STARD13: variants seen among roughly 807,000 people sequenced by gnomAD.
STARD13 encodes StAR related lipid transfer domain containing 13.
A neutral mutation model predicts 106.4 loss-of-function variants in STARD13; 62 were observed. The observed-to-expected ratio is 0.58, with a 90% confidence interval of 0.48 to 0.72. STARD13 has a LOEUF of 0.72. STARD13 is among the 30% of genes least tolerant of loss of function. The pLI is 0.00. For missense variants in STARD13, 1,387 were observed against 1,424.0 expected (o/e 0.97, Z 0.42); for synonymous variants, 565 against 553.0 (o/e 1.02, Z -0.31).
chr13:33,546,191 T>C, the STARD13 span, among the ~76,000 whole-genome samples: 353 of 152,274 alleles, frequency 2.3e-3, no homozygotes, highest in African/African-American at 8.2e-3. Context: ...ATTCCTATTA[T>C]TATGTGGAAG....
the STARD13 span, among the ~76,000 whole-genome samples, chr13:33,555,532 G>A: frequency 6.6e-6 from 1 of 152,188 alleles, no homozygotes; most frequent in South Asian, 2.1e-4. Context: ...ATTCTTGTAA[G>A]TTCTAATGCT....
intron 1 of STARD13, among the ~76,000 whole-genome samples, chr13:33,190,363 G>A (rs907523513): frequency 6.6e-6 from 1 of 152,146 alleles, no homozygotes; most frequent in African/African-American, 2.4e-5. Flanking sequence ...AGAGGCTGCA[G>A]TAAGCTATGA....
intron 1 of STARD13, among the ~76,000 whole-genome samples, chr13:33,176,965 T>C (rs947536793): frequency 3.3e-5 from 5 of 152,234 alleles, no homozygotes; most frequent in African/African-American, 4.8e-5. Context: ...TCTTTGGGCC[T>C]TTATAATTAT....
At chr13:33,601,214 G>GTT in the STARD13 span, among the ~76,000 whole-genome samples, 10 of 141,828 alleles carry the variant, frequency 7.1e-5, no homozygotes, top group East Asian at 2.1e-4. Context: ...AAATGTTTTT[G>GTT]TTTTTTTTTT....
At chr13:33,212,404 C>A (rs1490213450) in intron 1 of STARD13, among the ~76,000 whole-genome samples, 1 of 152,222 alleles carries the variant, frequency 6.6e-6, no homozygotes, top group Non-Finnish European at 1.5e-5. Context: ...AATAAAGCCA[C>A]TTTCTACTGT....
the STARD13 span, among the ~76,000 whole-genome samples, chr13:33,491,710 G>C: frequency 6.6e-6 from 1 of 152,200 alleles, no homozygotes; most frequent in Non-Finnish European, 1.5e-5. Context: ...CTAGAGTCCA[G>C]CCTAATCTGT....
intron 1 of STARD13, among the ~76,000 whole-genome samples, chr13:33,321,976 CAG>C (rs1893577575): frequency 6.6e-6 from 1 of 152,184 alleles, no homozygotes; most frequent in African/African-American, 2.4e-5. Flanking sequence ...AACTAAAAAT[CAG>C]AGTCTGCGTC....
the STARD13 span, among the ~76,000 whole-genome samples, chr13:33,412,548 C>T: frequency 4.2e-3 from 634 of 152,036 alleles, 4 homozygotes; most frequent in Non-Finnish European, 7.3e-3. Context: ...TGATTTTTTA[C>T]AAAAGAACCA....
the STARD13 span, among the ~76,000 whole-genome samples, chr13:33,521,894 G>T: frequency 1.3e-5 from 2 of 152,030 alleles, no homozygotes; most frequent in East Asian, 3.9e-4. Flanking sequence ...AGCAGCTAAG[G>T]CAAGTCCCAA....
At chr13:33,433,594 A>G in the STARD13 span, among the ~76,000 whole-genome samples, 1 of 152,098 alleles carries the variant, frequency 6.6e-6, no homozygotes, top group Non-Finnish European at 1.5e-5. Flanking sequence ...ACCATATTAC[A>G]TCTCTGCTAA....
At chr13:33,177,694 C>T (rs1052015656) in intron 1 of STARD13, among the ~76,000 whole-genome samples, 5 of 121,938 alleles carry the variant, frequency 4.1e-5, no homozygotes, top group African/African-American at 3.1e-5. Context: ...AAAAAGAAAA[C>T]GAAAGTAATG....
intron 1 of STARD13, among the ~76,000 whole-genome samples, chr13:33,240,971 T>A (rs1391626123): frequency 6.6e-6 from 1 of 152,140 alleles, no homozygotes; most frequent in Non-Finnish European, 1.5e-5. Context: ...TTTGGTGGAG[T>A]CTTTATTGTT....
chr13:33,112,995 C>G, intron 8 of STARD13, 64 bp from the exon 9 acceptor site: 1 of 1,264,570 alleles, frequency 7.9e-7, no homozygotes, highest in Non-Finnish European at 1.1e-6. Flanking sequence ...CTGGGAAGCA[C>G]TGTGTAAGCT....
the STARD13 span, among the ~76,000 whole-genome samples, chr13:33,433,412 C>T: frequency 6.6e-6 from 1 of 152,148 alleles, no homozygotes; most frequent in Admixed American, 6.5e-5. Flanking sequence ...CAGCAACAAT[C>T]TCTATTACAT....
the STARD13 span, among the ~76,000 whole-genome samples, chr13:33,530,578 C>T: frequency 6.6e-6 from 1 of 152,262 alleles, no homozygotes; most frequent in African/African-American, 2.4e-5. Flanking sequence ...TGTTCAATTG[C>T]ATATTTCAAC....
chr13:33,439,811 TA>T, the STARD13 span: 1 of 665,424 alleles, frequency 1.5e-6, no homozygotes, highest in South Asian at 1.7e-5. Context: ...AATAAGATTG[TA>T]AAATTAGAAT....
At chr13:33,247,737 A>G (rs1250713812) in intron 1 of STARD13, among the ~76,000 whole-genome samples, 1 of 152,156 alleles carries the variant, frequency 6.6e-6, no homozygotes, top group African/African-American at 2.4e-5. Context: ...TGGAACCGTG[A>G]TTCACTCACT....
intron 1 of STARD13, among the ~76,000 whole-genome samples, chr13:33,301,920 A>C (rs1892736411): frequency 2.6e-5 from 4 of 152,140 alleles, no homozygotes; most frequent in African/African-American, 9.6e-5. Flanking sequence ...TTTCTTCTTA[A>C]ATTTTTCTCA....
intron 1 of STARD13, among the ~76,000 whole-genome samples, chr13:33,314,641 T>A (rs556993863): frequency 3.9e-5 from 6 of 152,320 alleles, no homozygotes; most frequent in African/African-American, 1.4e-4. Context: ...TTAATTCTTA[T>A]AACAACCAAT....
Sources: gnomAD v4.1 joint callset for allele counts (sites outside exome capture counted in the v4.1 genomes callset) on GRCh38, gnomAD v4.1.1 for gene constraint, MANE v1.5 for transcripts, NCBI Gene and HGNC (gene_info 2026-07-23, HGNC 2026-07-21) for gene names.